Variants in PPM1B observed in about 807,000 individuals in gnomAD.
PPM1B encodes protein phosphatase 1B.
In PPM1B, 22 loss-of-function variants were observed where a neutral mutation model predicts 43.0. That is an observed-to-expected ratio of 0.51 (90% CI 0.37 to 0.73). The LOEUF (loss-of-function observed/expected upper bound fraction) is 0.73, where lower values mean the gene tolerates loss of function less well. Among genes scored for constraint, PPM1B ranks in the 30% least tolerant of loss-of-function variants. PPM1B has a pLI of 0.00. For synonymous variants in PPM1B, 217 were observed against 197.9 expected (o/e 1.10, Z -0.81); for missense variants, 632 against 584.2 (o/e 1.08, Z -0.84).
chr2:44,197,027 TTTAATG>T (rs1668693160), intron 1 of PPM1B, among the ~76,000 whole-genome samples: 1 of 152,232 alleles, frequency 6.6e-6, no homozygotes, highest in Non-Finnish European at 1.5e-5. Context: ...TAAATAAACT[TTTAATG>T]TTGAAATAAT....
intron 1 of PPM1B, among the ~76,000 whole-genome samples, chr2:44,181,663 A>G (rs912360429): frequency 6.6e-6 from 1 of 152,218 alleles, no homozygotes; most frequent in Non-Finnish European, 1.5e-5. Flanking sequence ...TCCTGGATTA[A>G]TACTAGAGGA....
rs1462639463 is a variant in PPM1B, at chr2:44,187,894, G to A, written c.-14-13292G>A. Among the ~76,000 whole-genome samples, 4 of 152,158 alleles carry A rather than the reference G, an allele frequency of 2.6e-5. No individual in the cohort carries two copies. The East Asian group carries it at 7.7e-4, about 29-fold the overall frequency. On this transcript the variant is annotated intron_variant, in intron 1 of 5. Coordinates refer to ENST00000282412, the MANE Select transcript of PPM1B (RefSeq NM_002706.6). Reference sequence around the variant, plus strand: ...CCTCCCTAGTAGCTGGGACTTACAGGTGCCCGCCACCATGCCCGGCTAACT... The same window carrying A: ...CCTCCCTAGTAGCTGGGACTTACAGATGCCCGCCACCATGCCCGGCTAACT...
At chr2:44,231,847 G>C (rs1429169896), downstream of PPM1B, among the ~76,000 whole-genome samples, 1 of 152,100 alleles carries the variant, frequency 6.6e-6, no homozygotes, top group Admixed American at 6.5e-5. Flanking sequence ...TGGCAGATGA[G>C]AGTTTTTGTT....
In PPM1B at chr2:44,202,055, C is replaced by G. The variant is rs781533539; in HGVS notation, c.846+10C>G. The G allele has an allele frequency of 1.3e-6, 2 of 1,497,186 alleles. No homozygotes were observed. The highest frequency in any genetic ancestry group is 1.8e-6 in the Non-Finnish European group (2 of 1,124,268). 92.7% of individuals were successfully genotyped at this position (1,497,186 alleles called of 1,614,324 possible). Reference sequence around the variant, plus strand: ...CACTTGTTTACACAAGGTATGTAAACTTTTTTGTCATTAAAATAACATGTT... The same window carrying G: ...CACTTGTTTACACAAGGTATGTAAAGTTTTTTGTCATTAAAATAACATGTT... On this transcript the variant is annotated intron_variant, in intron 2 of 5. Transcript: ENST00000282412.
chr2:44,218,198 C>A, intron 4 of PPM1B, 120 bp downstream of exon 4: 1 of 755,888 alleles, frequency 1.3e-6, no homozygotes, highest in South Asian at 1.7e-5. Flanking sequence ...GTTAGTGTTT[C>A]TTATACTAGA....
chr2:44,201,472 A>C lies in PPM1B; in HGVS notation c.273A>C (p.Ser91=). 1 of 1,614,248 alleles carries C rather than the reference A, an allele frequency of 6.2e-7. No individual in the cohort carries two copies. Residue 91 remains serine, a synonymous_variant, in exon 2 of 6, where the codon TCA becomes TCC. Transcript: ENST00000282412. The surrounding 1 kb of genome is among the most constrained non-coding windows in gnomAD (Gnocchi z 5.4). The part of the protein sequence containing the change: ...TNEDFRAAGK[S]GSALELSVEN... ...AAGACTTTAGGGCAGCTGGAAAATC[A>C]GGATCTGCTCTTGAGCTTTCAGTGG...
chr2:44,231,879 G>C (rs554648789), downstream of PPM1B, among the ~76,000 whole-genome samples: 6 of 152,206 alleles, frequency 3.9e-5, no homozygotes, highest in South Asian at 1.0e-3. Flanking sequence ...TTAAATTATA[G>C]ATTTGTCACA....
chr2:44,244,302 C>T (rs761229096), exon 6 of PPM1B: 3 of 1,360,594 alleles, frequency 2.2e-6, no homozygotes, highest in Non-Finnish European at 2.9e-6. Context: ...GCTGGCAGAC[C>T]TTCCAAGCAC....
intron 2 of PPM1B, 110 bp from the exon 3 acceptor site, chr2:44,209,100 A>T (rs893434736): frequency 5.0e-6 from 5 of 1,005,812 alleles, no homozygotes; most frequent in Non-Finnish European, 6.9e-6. Context: ...TGTGTTAAAC[A>T]TAAACGTTCT....
intron 5 of PPM1B, among the ~76,000 whole-genome samples, chr2:44,219,451 C>G (rs909203001): frequency 1.3e-5 from 2 of 151,986 alleles, no homozygotes; most frequent in Non-Finnish European, 2.9e-5. Flanking sequence ...TGCTAGGATT[C>G]ATTGTTGCAC....
chr2:44,241,277 A>T (rs1670739581), intron 5 of PPM1B, among the ~76,000 whole-genome samples: 1 of 142,972 alleles, frequency 7.0e-6, no homozygotes, highest in African/African-American at 2.5e-5. Context: ...TGCTGGGATT[A>T]CAGGTGTGAG....
chr2:44,233,186 A>C (rs889751042), downstream of PPM1B: 1 of 940,326 alleles, frequency 1.1e-6, no homozygotes, highest in Non-Finnish European at 1.3e-6. Context: ...AGCTTTTAAG[A>C]TACGAGTTTT....
At chr2:44,187,300 C>G (rs1668170951) in intron 1 of PPM1B, among the ~76,000 whole-genome samples, 1 of 152,016 alleles carries the variant, frequency 6.6e-6, no homozygotes, top group Non-Finnish European at 1.5e-5. Context: ...TTTTGTTTAT[C>G]CATTCGTTTG....
At chr2:44,239,179 C>CAAAAAAAAAAA, downstream of PPM1B, among the ~76,000 whole-genome samples, 1 of 89,636 alleles carries the variant, frequency 1.1e-5, no homozygotes, top group Non-Finnish European at 2.3e-5. Context: ...GTCTCTAATA[C>CAAAAAAAAAAA]AAAAAAAAAA....
Position 44,199,126 on chromosome 2 carries a change from C to T in PPM1B, c.-14-2060C>T, listed in dbSNP as rs537550855. ...ACAAAAAATTAGCTGGGTATGGTGGCGCGTGCCTGTAACCCCAGCTACCCG... is the reference window on the plus strand; with the variant it reads ...ACAAAAAATTAGCTGGGTATGGTGGTGCGTGCCTGTAACCCCAGCTACCCG... On this transcript the variant is annotated intron_variant, in intron 1 of 5. Transcript: ENST00000282412. 7.2e-5 allele frequency among the ~76,000 whole-genome samples: 11 copies of T among 151,900 alleles called. No individual in the cohort carries two copies. The East Asian group carries it at 1.2e-3, about 16-fold the overall frequency.
intron 3 of PPM1B, among the ~76,000 whole-genome samples, chr2:44,212,255 T>A (rs1404203004): frequency 1.3e-5 from 2 of 152,164 alleles, no homozygotes; most frequent in Admixed American, 1.3e-4. Context: ...TTTATTATAG[T>A]TTTCTCCCTT....
intron 5 of PPM1B, among the ~76,000 whole-genome samples, chr2:44,240,324 C>T (rs1198575365): frequency 2.1e-5 from 3 of 146,042 alleles, no homozygotes; most frequent in Non-Finnish European, 4.6e-5. Context: ...TTTAATTGTA[C>T]TCTGGGACCA....
chr2:44,230,767 G>C lies in PPM1B; in HGVS notation c.*49G>C. ...GTGATCTTTGATGGTTTTTAACCTA[G>C]GAAGTGTAATGTATGCATTTATATA... On this transcript the variant is annotated 3_prime_UTR_variant, in exon 6 of 6. Coordinates refer to ENST00000282412, the MANE Select transcript of PPM1B (RefSeq NM_002706.6). 3.8e-6 allele frequency: 6 copies of C among 1,572,018 alleles called. No individual in the cohort carries two copies. Among genetic ancestry groups the C allele is most frequent in the Non-Finnish European group, 5.2e-6 (6 of 1,158,042 alleles).
chr2:44,217,633 A>G (rs1182928030), intron 3 of PPM1B, among the ~76,000 whole-genome samples: 1 of 152,134 alleles, frequency 6.6e-6, no homozygotes, highest in East Asian at 1.9e-4. Context: ...ATTTTTAGTG[A>G]TTATAAACCA....
Sources: gnomAD v4.1 joint callset for allele counts (sites outside exome capture counted in the v4.1 genomes callset) on GRCh38, gnomAD v4.1.1 for gene constraint, Gnocchi (gnomAD v3.1) non-coding constraint, MANE v1.5 for transcripts, NCBI Gene and HGNC (gene_info 2026-07-23, HGNC 2026-07-21) for gene names.